The following PTPRG variants were observed in gnomAD, a reference collection of about 807,000 sequenced individuals.
The protein encoded by PTPRG is receptor-type tyrosine-protein phosphatase gamma.
PTPRG carries 102 observed loss-of-function variants against 165.3 expected under a neutral mutation model. The ratio of observed to expected loss-of-function variants is 0.62; its 90% CI spans 0.53 to 0.73. PTPRG has a LOEUF of 0.73. Among genes scored for constraint, PTPRG ranks in the 30% least tolerant of loss-of-function variants. PTPRG has a pLI of 0.00. For missense variants in PTPRG, 1,866 were observed against 1,861.4 expected (o/e 1.00, Z -0.05); for synonymous variants, 675 against 669.5 (o/e 1.01, Z -0.13).
At chr3:61,651,745 C>T (rs1272274337) in intron 1 of PTPRG, among the ~76,000 whole-genome samples, 1 of 152,188 alleles carries the variant, frequency 6.6e-6, no homozygotes, top group Non-Finnish European at 1.5e-5. Flanking sequence ...TGTGGTGGCT[C>T]ACGCCTGGAA....
intron 2 of PTPRG, among the ~76,000 whole-genome samples, chr3:61,965,875 T>C (rs1320962749): frequency 6.6e-6 from 1 of 152,270 alleles, no homozygotes; most frequent in East Asian, 1.9e-4. Flanking sequence ...GGTCTGGTTC[T>C]AGGATTCATG....
At chr3:61,568,398 T>C in intron 1 of PTPRG, among the ~76,000 whole-genome samples, 1 of 152,208 alleles carries the variant, frequency 6.6e-6, no homozygotes, top group East Asian at 1.9e-4. Context: ...GTATAAGTGA[T>C]GGCTGTGCAA....
At chr3:61,907,629 A>T (rs928142090) in intron 2 of PTPRG, among the ~76,000 whole-genome samples, 19 of 152,334 alleles carry the variant, frequency 1.2e-4, no homozygotes, top group African/African-American at 4.6e-4. Flanking sequence ...TAGAACCATA[A>T]GCAAAATGCA....
chr3:61,672,757 AGGGAGAAGAGGG>A (rs1263323481), intron 1 of PTPRG, among the ~76,000 whole-genome samples: 5 of 128,312 alleles, frequency 3.9e-5, no homozygotes, highest in Admixed American at 7.7e-5. Flanking sequence ...GGAGAGGGAG[AGGGAGAAGAGGG>A]AGAGGGAGAG....
intron 2 of PTPRG, among the ~76,000 whole-genome samples, chr3:61,908,270 G>C (rs1575773512): frequency 6.6e-6 from 1 of 151,140 alleles, no homozygotes; most frequent in African/African-American, 2.4e-5. Flanking sequence ...TATTAAAAAT[G>C]CAAAACTTAG....
At chr3:61,729,009 C>T (rs2032379453) in intron 1 of PTPRG, among the ~76,000 whole-genome samples, 1 of 151,788 alleles carries the variant, frequency 6.6e-6, no homozygotes, top group Non-Finnish European at 1.5e-5. Flanking sequence ...CTGCAGTGGG[C>T]CGAGATTGCA....
At chr3:61,614,612 A>G (rs1354217873) in intron 1 of PTPRG, among the ~76,000 whole-genome samples, 1 of 151,874 alleles carries the variant, frequency 6.6e-6, no homozygotes, top group Non-Finnish European at 1.5e-5. Flanking sequence ...GGGTTTTAGC[A>G]TGCTGCTCAG....
chr3:61,597,330 A>G (rs938239428), intron 1 of PTPRG, among the ~76,000 whole-genome samples: 1 of 152,240 alleles, frequency 6.6e-6, no homozygotes, highest in South Asian at 2.1e-4. Context: ...CTCCCTGTGG[A>G]TACCAAAATT....
chr3:61,641,968 G>T (rs568500057), intron 1 of PTPRG, among the ~76,000 whole-genome samples: 10 of 152,072 alleles, frequency 6.6e-5, no homozygotes, highest in Non-Finnish European at 1.3e-4. Context: ...TGGTTATATG[G>T]AGGGCACCCC....
intron 6 of PTPRG, among the ~76,000 whole-genome samples, chr3:62,150,538 C>G (rs1198227796): frequency 2.0e-5 from 3 of 152,204 alleles, no homozygotes; most frequent in East Asian, 1.9e-4. Flanking sequence ...AAATCATCTT[C>G]CATTTCTAAT....
rs570915138 is a variant in PTPRG at position 61,880,516 on chromosome 3, G to T, written c.191-109109G>T. On this transcript the variant is annotated intron_variant, in intron 2 of 29. Transcript: ENST00000474889. ...AGGCCTGTGGTCCCAGCTACTTGTT[G>T]GGGGCGCTGAGGAAGGAGGATTGCT... Among the ~76,000 whole-genome samples the T allele has an allele frequency of 1.8e-4, 27 of 151,880 alleles. No individual in the cohort carries two copies. The East Asian group carries it at 4.9e-3, about 27-fold the overall frequency.
chr3:61,585,313 A>G (rs1700408210), intron 1 of PTPRG, among the ~76,000 whole-genome samples: 1 of 151,184 alleles, frequency 6.6e-6, no homozygotes, highest in Admixed American at 6.6e-5. Flanking sequence ...AAGGAAGAAA[A>G]GAAAATAGGG....
intron 15 of PTPRG, among the ~76,000 whole-genome samples, chr3:62,251,300 G>C (rs998487764): frequency 2.6e-5 from 4 of 152,100 alleles, no homozygotes; most frequent in African/African-American, 9.7e-5. Context: ...TGGAAGGATT[G>C]CTTGAGGCTA....
intron 17 of PTPRG, among the ~76,000 whole-genome samples, chr3:62,267,072 T>C (rs1424445033): frequency 2.0e-5 from 3 of 151,972 alleles, no homozygotes; most frequent in Non-Finnish European, 2.9e-5. Context: ...ATATTTGTAT[T>C]AATGGGGAGG....
chr3:62,234,612 T>C (rs1271785026), intron 14 of PTPRG, among the ~76,000 whole-genome samples: 1 of 152,172 alleles, frequency 6.6e-6, no homozygotes, highest in East Asian at 1.9e-4. Context: ...TTCTGTAAAC[T>C]GTTTATATCT....
chr3:61,925,245 C>G (rs2107570843), intron 2 of PTPRG, among the ~76,000 whole-genome samples: 1 of 152,302 alleles, frequency 6.6e-6, no homozygotes, highest in Middle Eastern at 3.4e-3. Context: ...TTCTGCTGAC[C>G]CATCACCTTG....
At position 61,840,717 on chromosome 3, in the gene PTPRG, C is replaced by T. The variant is rs376392367; in HGVS notation, c.190+91735C>T. Among the ~76,000 whole-genome samples the T allele has an allele frequency of 2.4e-3, 356 of 148,844 alleles. 1 individual carries two copies. The highest frequency in any genetic ancestry group is 8.1e-3 in the African/African-American group (327 of 40,214). On this transcript the variant is annotated intron_variant, in intron 2 of 29. Transcript: ENST00000474889. ...GAGGGACAGGTCATGTGGAGACAAA[C>T]AATGCACAAGTAAACAAATATATAG...
At chr3:61,782,443 A>T (rs2034572938) in intron 2 of PTPRG, among the ~76,000 whole-genome samples, 1 of 152,264 alleles carries the variant, frequency 6.6e-6, no homozygotes, top group South Asian at 2.1e-4. Context: ...ACCATCAGCC[A>T]GGCTGATGAA....
At chr3:61,743,832 A>G (rs2033095633) in intron 1 of PTPRG, among the ~76,000 whole-genome samples, 1 of 152,230 alleles carries the variant, frequency 6.6e-6, no homozygotes, top group Non-Finnish European at 1.5e-5. Context: ...GTGAAACTAC[A>G]TATTTTCATA....
Sources: gnomAD v4.1 joint callset for allele counts (sites outside exome capture counted in the v4.1 genomes callset) on GRCh38, gnomAD v4.1.1 for gene constraint, MANE v1.5 for transcripts, NCBI Gene and HGNC (gene_info 2026-07-23, HGNC 2026-07-21) for gene names.